The following ARHGEF10 variants were observed in gnomAD, a reference collection of about 807,000 sequenced individuals.
The protein encoded by ARHGEF10 is Rho guanine nucleotide exchange factor 10.
ARHGEF10 carries 140 observed loss-of-function variants against 147.4 expected under a neutral mutation model. The ratio of observed to expected loss-of-function variants is 0.95; its 90% CI spans 0.83 to 1.09. The LOEUF (loss-of-function observed/expected upper bound fraction) is 1.09. Among genes scored for constraint, ARHGEF10 ranks in the 50% least tolerant of loss-of-function variants. The probability of loss-of-function intolerance (pLI) is 0.00; values close to 1 mark genes in which losing one functional copy is unlikely to be tolerated. For missense variants in ARHGEF10, 2,222 were observed against 1,752.7 expected (o/e 1.27, Z -4.78); for synonymous variants, 902 against 695.8 (o/e 1.30, Z -4.67).
At chr8:1,906,029 G>A (rs1810863845) in intron 17 of ARHGEF10, among the ~76,000 whole-genome samples, 2 of 152,168 alleles carry the variant, frequency 1.3e-5, no homozygotes, top group South Asian at 4.2e-4. Flanking sequence ...TTTTCTTATG[G>A]TTTAAATTCT....
chr8:1,823,779 C>T (rs1057030542), upstream of ARHGEF10, among the ~76,000 whole-genome samples: 5 of 151,702 alleles, frequency 3.3e-5, no homozygotes, highest in African/African-American at 9.7e-5. Context: ...GGAGGGGGCG[C>T]GGGCGGCCAC....
chr8:1,926,005 G>C (rs906373371), intron 22 of ARHGEF10, among the ~76,000 whole-genome samples: 4 of 152,206 alleles, frequency 2.6e-5, no homozygotes, highest in Non-Finnish European at 5.9e-5. Context: ...CGGTGCACAG[G>C]ACTCCTCTGG....
At chr8:1,841,361 G>T (rs1223478973) in intron 1 of ARHGEF10, among the ~76,000 whole-genome samples, 1 of 152,230 alleles carries the variant, frequency 6.6e-6, no homozygotes, top group African/African-American at 2.4e-5. Flanking sequence ...GATGAGCAGC[G>T]CCTCCAGGGC....
At chr8:1,881,920 G>T (rs1384324450) in intron 9 of ARHGEF10, among the ~76,000 whole-genome samples, 1 of 152,188 alleles carries the variant, frequency 6.6e-6, no homozygotes, top group South Asian at 2.1e-4. Context: ...CAGTACCTCA[G>T]ATGTTGGGTT....
intron 28 of ARHGEF10, among the ~76,000 whole-genome samples, chr8:1,955,237 T>C (rs1408690828): frequency 2.7e-5 from 4 of 149,030 alleles, no homozygotes; most frequent in African/African-American, 7.6e-5. Flanking sequence ...AGGTGCACTC[T>C]CACTGTTCCT....
rs1815702126 is a variant in ARHGEF10 at position 1,957,864 on chromosome 8, T to C, written c.*601T>C. 6.6e-6 allele frequency: 1 copy of C among 152,388 alleles called. No homozygotes were observed. Among genetic ancestry groups the C allele is most frequent in the Admixed American group, 6.5e-5 (1 of 15,296 alleles). 9.4% of individuals were successfully genotyped at this position (152,388 alleles called of 1,614,324 possible). A position where few individuals can be genotyped will look rare whatever the true frequency, so the allele number is the denominator to read the frequency against. On this transcript the variant is annotated 3_prime_UTR_variant, in exon 29 of 29. Transcript: ENST00000349830. ...TGGTATAATGTGTGTACTGTATATT[T>C]TAACAAAGTAATATTTTTGTATTGC...
Position 1,909,374 on chromosome 8 carries a change from A to G in ARHGEF10, c.2047A>G (p.Ile683Val). 1.2e-6 allele frequency: 2 copies of G among 1,614,224 alleles called. No individual in the cohort carries two copies. The highest frequency in any genetic ancestry group is 1.7e-6 in the Non-Finnish European group (2 of 1,180,046). Residue 683 changes from isoleucine (I) to valine (V), a missense_variant, in exon 18 of 29, where the codon ATC becomes GTC. Ile to Val is a conservative substitution (Grantham distance 29). Coordinates refer to ENST00000349830, the MANE Select transcript of ARHGEF10 (RefSeq NM_014629.4). ...WSVPLGHVDA[I>V]EYGSSAGTGE... ...CGTTCCACTGGGACATGTGGACGCC[A>G]TCGAGTATGGCAGCAGCGCAGGCAC...
intron 1 of ARHGEF10, among the ~76,000 whole-genome samples, chr8:1,834,571 C>G (rs1194012483): frequency 6.6e-6 from 1 of 152,192 alleles, no homozygotes; most frequent in Non-Finnish European, 1.5e-5. Flanking sequence ...AAGGTCTTTC[C>G]TCCCTCCTTC....
At chr8:1,895,729 C>T (rs1415228842) in intron 13 of ARHGEF10, among the ~76,000 whole-genome samples, 1 of 152,184 alleles carries the variant, frequency 6.6e-6, no homozygotes, top group African/African-American at 2.4e-5. Context: ...CTCTGCCATC[C>T]ATCCTAAAGG....
intron 11 of ARHGEF10, among the ~76,000 whole-genome samples, chr8:1,889,730 G>A (rs1300361274): frequency 4.1e-5 from 4 of 98,302 alleles, no homozygotes; most frequent in African/African-American, 1.7e-4. Context: ...GTGGAGTGAG[G>A]GTTGCGAGGA....
At chr8:1,855,912 A>G (rs1805515668) in intron 2 of ARHGEF10, among the ~76,000 whole-genome samples, 1 of 150,832 alleles carries the variant, frequency 6.6e-6, no homozygotes, top group South Asian at 2.1e-4. Context: ...CTACTTAATG[A>G]TATGGCAAAA....
chr8:1,838,176 C>T (rs11986580), intron 1 of ARHGEF10, among the ~76,000 whole-genome samples: 55,714 of 152,064 alleles, frequency 0.37, 10,499 homozygotes, highest in Non-Finnish European at 0.37. Flanking sequence ...TGGTGCCTTC[C>T]TTTCTCTAAC....
At chr8:1,928,342 C>A in intron 23 of ARHGEF10, 85 bp from the exon 24 acceptor site, 1 of 1,230,370 alleles carries the variant, frequency 8.1e-7, no homozygotes, top group Non-Finnish European at 1.2e-6. Flanking sequence ...CGAAGCTTGT[C>A]GTGGCCTTTA....
intron 11 of ARHGEF10, 123 bp from the exon 12 acceptor site, chr8:1,893,446 C>A: frequency 2.8e-6 from 2 of 709,024 alleles, no homozygotes; most frequent in East Asian, 2.6e-5. Flanking sequence ...ATTAGGCTAC[C>A]CTTGTGCACT....
At chr8:1,873,067 C>T (rs941899437) in intron 7 of ARHGEF10, among the ~76,000 whole-genome samples, 4 of 152,368 alleles carry the variant, frequency 2.6e-5, no homozygotes, top group Admixed American at 6.5e-5. Context: ...GCCGTCGGCC[C>T]CCTGCCGTGT....
At chr8:1,866,631 A>G (rs777441541) in intron 6 of ARHGEF10, 29 bp downstream of exon 6, 3 of 1,597,564 alleles carry the variant, frequency 1.9e-6, no homozygotes, top group Non-Finnish European at 2.6e-6. Context: ...CACAGCCAGA[A>G]TCCTCACCAC....
At chr8:1,856,740 G>C (rs1232086742) in intron 2 of ARHGEF10, among the ~76,000 whole-genome samples, 1 of 152,204 alleles carries the variant, frequency 6.6e-6, no homozygotes, top group Non-Finnish European at 1.5e-5. Context: ...CTGTGTTGGA[G>C]GGGCTTGGTT....
At chr8:1,930,209 C>A (rs1813012797) in intron 25 of ARHGEF10, among the ~76,000 whole-genome samples, 1 of 152,104 alleles carries the variant, frequency 6.6e-6, no homozygotes, top group Non-Finnish European at 1.5e-5. Flanking sequence ...TGGAGTGGAA[C>A]ACGCAGGGCT....
rs1295002621 is a variant in ARHGEF10 at position 1,823,998 on chromosome 8, A to T, written c.-163A>T. On this transcript the variant is annotated 5_prime_UTR_variant, in exon 1 of 29. Transcript: ENST00000349830. ...GACGGGGTCGCGGGGGACGCGGGGG[A>T]CGCGGGGGACGGCGGGGAACGGCGG... The T allele has an allele frequency of 3.3e-5, 3 of 92,108 alleles. No individual in the cohort carries two copies. 5.7% of individuals were successfully genotyped at this position (92,108 alleles called of 1,614,324 possible).
Sources: gnomAD v4.1 joint callset for allele counts (sites outside exome capture counted in the v4.1 genomes callset) on GRCh38, gnomAD v4.1.1 for gene constraint, MANE v1.5 for transcripts, NCBI Gene and HGNC (gene_info 2026-07-23, HGNC 2026-07-21) for gene names.